The following CEP63 variants were observed in gnomAD, a reference collection of about 807,000 sequenced individuals.
The protein encoded by CEP63 is centrosomal protein of 63 kDa.
CEP63 carries 84 observed loss-of-function variants against 89.1 expected under a neutral mutation model. The ratio of observed to expected loss-of-function variants is 0.94; its 90% CI spans 0.79 to 1.13. The LOEUF (loss-of-function observed/expected upper bound fraction) is 1.13. Ranked by LOEUF, CEP63 falls within the 50% of genes most tolerant of loss-of-function variation. The probability of loss-of-function intolerance (pLI) is 0.00; values close to 1 mark genes in which losing one functional copy is unlikely to be tolerated. For synonymous variants in CEP63, 267 were observed against 272.5 expected, an observed-to-expected ratio of 0.98 and a Z score of 0.20; for missense variants, 838 against 813.3, an observed-to-expected ratio of 1.03 and a Z score of -0.37.
the CEP63 span, among the ~76,000 whole-genome samples, chr3:134,604,831 T>C: frequency 1.3e-5 from 2 of 152,192 alleles, no homozygotes; most frequent in Non-Finnish European, 2.9e-5. Context: ...GAGAGGGTCA[T>C]GGGTCAGGAG....
chr3:134,757,028 G>C, the CEP63 span, among the ~76,000 whole-genome samples: 1 of 152,182 alleles, frequency 6.6e-6, no homozygotes, highest in Non-Finnish European at 1.5e-5. Flanking sequence ...TCCAATGTCT[G>C]TCCTGCTCTC....
chr3:134,590,265 C>T (rs1176112547), downstream of CEP63, among the ~76,000 whole-genome samples: 2 of 152,034 alleles, frequency 1.3e-5, no homozygotes, highest in Admixed American at 6.6e-5. Flanking sequence ...TAATTATTCA[C>T]AGGCAACATG....
At chr3:134,553,112 C>T (rs552478949) in intron 12 of CEP63, 1 of 152,058 alleles carries the variant, frequency 6.6e-6, no homozygotes, top group African/African-American at 2.4e-5. Context: ...TGCTTTTTTC[C>T]TGCATTTCCA....
chr3:134,728,520 T>C, the CEP63 span, among the ~76,000 whole-genome samples: 1 of 152,200 alleles, frequency 6.6e-6, no homozygotes, highest in South Asian at 2.1e-4. Context: ...AATTTGTGCA[T>C]TTATTAAACA....
At chr3:134,689,114 G>A in the CEP63 span, among the ~76,000 whole-genome samples, 2 of 152,074 alleles carry the variant, frequency 1.3e-5, no homozygotes, top group African/African-American at 2.4e-5. Context: ...CCCAGCTCTT[G>A]AATCTCCTGT....
chr3:134,575,349 A>G (rs147806489), downstream of CEP63, among the ~76,000 whole-genome samples: 1,407 of 30,258 alleles, frequency 0.047, 299 homozygotes, highest in Middle Eastern at 0.25. Flanking sequence ...GTCTCACTCT[A>G]TGGCCCTCTT....
At chr3:134,734,738 T>C in the CEP63 span, among the ~76,000 whole-genome samples, 1 of 152,198 alleles carries the variant, frequency 6.6e-6, no homozygotes, top group Non-Finnish European at 1.5e-5. Flanking sequence ...TTATGTTCTA[T>C]AAAGTTGCCG....
chr3:134,622,326 A>G, the CEP63 span, among the ~76,000 whole-genome samples: 1 of 152,280 alleles, frequency 6.6e-6, no homozygotes, highest in East Asian at 1.9e-4. Context: ...CCATGAATGA[A>G]AGGATAAATA....
At chr3:134,574,851 G>T in exon 12 of CEP63, 2 of 616,202 alleles carry the variant, frequency 3.2e-6, no homozygotes, top group South Asian at 1.8e-5. Context: ...CAAGCAATCC[G>T]CCAGCCTCAG....
intron 6 of CEP63, among the ~76,000 whole-genome samples, chr3:134,539,902 A>C (rs1951655404): frequency 6.6e-6 from 1 of 152,216 alleles, no homozygotes; most frequent in Non-Finnish European, 1.5e-5. Flanking sequence ...TTCTACCGTT[A>C]AGAGATTTAC....
the CEP63 span, among the ~76,000 whole-genome samples, chr3:134,620,366 A>C: frequency 6.6e-6 from 1 of 152,082 alleles, no homozygotes; most frequent in African/African-American, 2.4e-5. Context: ...ATCACTTTTC[A>C]AACAGCTGCA....
chr3:134,659,165 C>T, the CEP63 span, among the ~76,000 whole-genome samples: 2 of 152,336 alleles, frequency 1.3e-5, no homozygotes, highest in African/African-American at 4.8e-5. Flanking sequence ...TTCACCACCA[C>T]TTCCAAAATA....
At chr3:134,677,239 A>G in the CEP63 span, among the ~76,000 whole-genome samples, 1 of 152,238 alleles carries the variant, frequency 6.6e-6, no homozygotes, top group African/African-American at 2.4e-5. Flanking sequence ...AGCCTGGGCA[A>G]CAGAGAGAGA....
At chr3:134,532,576 A>T (rs1950054826) in intron 4 of CEP63, among the ~76,000 whole-genome samples, 2 of 151,986 alleles carry the variant, frequency 1.3e-5, no homozygotes, top group Admixed American at 1.3e-4. Context: ...TTTTTTTAAA[A>T]TTTTTTCTTT....
At chr3:134,565,777 A>T (rs776784112), downstream of CEP63, among the ~76,000 whole-genome samples, 15 of 140,322 alleles carry the variant, frequency 1.1e-4, no homozygotes, top group Non-Finnish European at 1.5e-4. Context: ...CCCATAAGAT[A>T]AAAAAAAAAA....
At chr3:134,667,186 T>C in the CEP63 span, among the ~76,000 whole-genome samples, 1 of 152,206 alleles carries the variant, frequency 6.6e-6, no homozygotes, top group Non-Finnish European at 1.5e-5. Context: ...TCGGCAGTCA[T>C]CTTCCAGCTC....
At chr3:134,665,087 C>T in the CEP63 span, among the ~76,000 whole-genome samples, 2 of 152,282 alleles carry the variant, frequency 1.3e-5, no homozygotes, top group South Asian at 2.1e-4. Flanking sequence ...CTGGTCCCAC[C>T]CTGTAGGTCT....
chr3:134,543,025 G>A (rs1952376668), intron 6 of CEP63, among the ~76,000 whole-genome samples: 1 of 151,992 alleles, frequency 6.6e-6, no homozygotes, highest in South Asian at 2.1e-4. Context: ...TATTTTAGAA[G>A]TTTTTAAATA....
At chr3:134,636,619 C>T in the CEP63 span, among the ~76,000 whole-genome samples, 376 of 152,324 alleles carry the variant, frequency 2.5e-3, 2 homozygotes, top group Non-Finnish European at 4.2e-3. Context: ...ATGAGCAAGC[C>T]CACCCAAGAC....
Sources: allele counts gnomAD v4.1 joint callset (sites outside exome capture counted in the v4.1 genomes callset), GRCh38; gene constraint gnomAD v4.1.1; transcripts MANE v1.5; gene names NCBI Gene and HGNC (gene_info 2026-07-23, HGNC 2026-07-21).